Variants in TBC1D4 observed in about 807,000 individuals in gnomAD.
TBC1D4 encodes the protein TBC1 domain family member 4.
A neutral mutation model predicts 142.5 loss-of-function variants in TBC1D4; 121 were observed. The ratio of observed to expected loss-of-function variants is 0.85; its 90% CI spans 0.73 to 0.99. The LOEUF (loss-of-function observed/expected upper bound fraction) is 0.99, where lower values mean the gene tolerates loss of function less well. TBC1D4 is among the 50% of genes least tolerant of loss of function. The probability of loss-of-function intolerance (pLI) is 0.00; values close to 1 mark genes in which losing one functional copy is unlikely to be tolerated. For synonymous variants in TBC1D4, 630 were observed against 628.2 expected, an observed-to-expected ratio of 1.00 and a Z score of -0.04; for missense variants, 1,475 against 1,606.6, an observed-to-expected ratio of 0.92 and a Z score of 1.40.
chr13:75,324,948 G>A lies in TBC1D4; in HGVS notation c.2034-547C>T, dbSNP rs536747971. Among the ~76,000 whole-genome samples, 3 of 152,240 alleles carry A rather than the reference G, an allele frequency of 2.0e-5. No individual in the cohort carries two copies. The East Asian group carries it at 5.8e-4, about 29-fold the overall frequency. On this transcript the variant is annotated intron_variant, in intron 10 of 20. Transcript: ENST00000377636. Reference sequence around the variant, plus strand: ...TTGTGCCACTATGGTTTAATCGAAAGCCCAAAATCTAGAAGATTCTTTGCA... The same window carrying A: ...TTGTGCCACTATGGTTTAATCGAAAACCCAAAATCTAGAAGATTCTTTGCA...
Position 75,395,597 on chromosome 13 carries a change from G to A in TBC1D4, c.499-32990C>T, listed in dbSNP as rs541840739. The stretch of plus-strand genomic sequence containing the variant: ...TGTAATCCCAGCACGTTGGAAGGAC[G>A]AGGCAGGTGGATCACCTGAGGTCAG... On this transcript the variant is annotated intron_variant, in intron 1 of 20. Coordinates refer to ENST00000377636, the MANE Select transcript of TBC1D4 (RefSeq NM_014832.5). Among the ~76,000 whole-genome samples, 6 of 152,276 alleles carry A rather than the reference G, an allele frequency of 3.9e-5. No individual in the cohort carries two copies. In the East Asian group the frequency reaches 5.8e-4, roughly 15 times the overall value.
At chr13:75,427,092 A>AT (rs34413653) in intron 1 of TBC1D4, among the ~76,000 whole-genome samples, 14,157 of 142,606 alleles carry the variant, frequency 0.099, 985 homozygotes, top group African/African-American at 0.2. Flanking sequence ...AAATATAAAC[A>AT]TTTTTTTTTT....
At chr13:75,451,153 C>G (rs1419232311) in intron 1 of TBC1D4, among the ~76,000 whole-genome samples, 1 of 152,164 alleles carries the variant, frequency 6.6e-6, no homozygotes, top group Non-Finnish European at 1.5e-5. Context: ...TTCTCTGCCA[C>G]TAATTATGTG....
At chr13:75,401,818 T>G (rs1885108264) in intron 1 of TBC1D4, among the ~76,000 whole-genome samples, 1 of 152,214 alleles carries the variant, frequency 6.6e-6, no homozygotes, top group Non-Finnish European at 1.5e-5. Context: ...AGCTACACTG[T>G]AAACTCCATG....
chr13:75,320,071 C>G, intron 11 of TBC1D4, 34 bp from the exon 12 acceptor site: 1 of 1,611,704 alleles, frequency 6.2e-7, no homozygotes, highest in Non-Finnish European at 8.5e-7. Context: ...ATGGAATTAG[C>G]ACACACAAAT....
intron 1 of TBC1D4, among the ~76,000 whole-genome samples, chr13:75,403,789 G>C (rs999120464): frequency 6.6e-6 from 1 of 152,046 alleles, no homozygotes; most frequent in Non-Finnish European, 1.5e-5. Flanking sequence ...AACAGCTCAA[G>C]AAAACTCACA....
intron 1 of TBC1D4, among the ~76,000 whole-genome samples, chr13:75,474,643 A>T (rs1888559554): frequency 1.3e-5 from 1 of 79,678 alleles, no homozygotes; most frequent in Non-Finnish European, 2.8e-5. Flanking sequence ...GAAATAATTT[A>T]ACCTTTTTTT....
chr13:75,317,238 A>C lies in TBC1D4; in HGVS notation c.2222+2776T>G, dbSNP rs569662139. On this transcript the variant is annotated intron_variant, in intron 12 of 20. Coordinates refer to ENST00000377636, the MANE Select transcript of TBC1D4 (RefSeq NM_014832.5). Reference sequence around the variant, plus strand: ...TCTGAACAAAGCTCTATAGGACCACAAAAACAAAGCTGTTGGGACCCCCAG... The same window carrying C: ...TCTGAACAAAGCTCTATAGGACCACCAAAACAAAGCTGTTGGGACCCCCAG... Among the ~76,000 whole-genome samples the C allele has an allele frequency of 7.2e-5, 11 of 152,344 alleles. No homozygotes were observed. The South Asian group carries it at 2.3e-3, about 32-fold the overall frequency.
At chr13:75,402,618 C>T (rs148999231) in intron 1 of TBC1D4, among the ~76,000 whole-genome samples, 203 of 149,604 alleles carry the variant, frequency 1.4e-3, no homozygotes, top group Non-Finnish European at 2.1e-3. Flanking sequence ...ACTTTAAAAA[C>T]AATTTCATTT....
At chr13:75,287,506 C>T (rs1276640977) in intron 20 of TBC1D4, among the ~76,000 whole-genome samples, 1 of 152,166 alleles carries the variant, frequency 6.6e-6, no homozygotes, top group African/African-American at 2.4e-5. Flanking sequence ...AAAAAGTCTA[C>T]AACAGTTCAG....
chr13:75,351,674 G>T (rs1881615169), intron 4 of TBC1D4, among the ~76,000 whole-genome samples: 1 of 150,268 alleles, frequency 6.7e-6, no homozygotes, highest in Admixed American at 6.7e-5. Flanking sequence ...GCGGTGTTTG[G>T]TTTTTTTGTC....
At position 75,443,329 on chromosome 13, in the gene TBC1D4, G is replaced by C. The variant is rs115159082; in HGVS notation, c.498+37941C>G. ...AGCAGATATCTCATTTCATGTGTTT[G>C]AGTATTTTTGTTATAATCCCCTGAA... On this transcript the variant is annotated intron_variant, in intron 1 of 20. Transcript: ENST00000377636. Among the ~76,000 whole-genome samples the C allele has an allele frequency of 1.4e-3, 214 of 152,286 alleles. 1 individual carries two copies. The highest frequency in any genetic ancestry group is 5.0e-3 in the African/African-American group (208 of 41,558).
chr13:75,378,297 G>C (rs1397377026), intron 1 of TBC1D4, among the ~76,000 whole-genome samples: 1 of 151,982 alleles, frequency 6.6e-6, no homozygotes, highest in African/African-American at 2.4e-5. Flanking sequence ...GTTTTAAAAT[G>C]ATCAGCTTTT....
chr13:75,295,561 A>C (rs1018386130), intron 17 of TBC1D4, among the ~76,000 whole-genome samples: 2 of 152,356 alleles, frequency 1.3e-5, no homozygotes, highest in Admixed American at 1.3e-4. Flanking sequence ...CTAATATTCA[A>C]GTTATTCCAG....
At chr13:75,460,612 G>C (rs1389939611) in intron 1 of TBC1D4, among the ~76,000 whole-genome samples, 1 of 152,122 alleles carries the variant, frequency 6.6e-6, no homozygotes, top group Admixed American at 6.5e-5. Context: ...TGAGTAACTG[G>C]ACTGGTTATA....
chr13:75,335,835 G>A (rs370609123), intron 8 of TBC1D4, among the ~76,000 whole-genome samples: 15 of 152,162 alleles, frequency 9.9e-5, no homozygotes, highest in Non-Finnish European at 1.6e-4. Flanking sequence ...CTGCAGAACC[G>A]TGAGTCAATG....
At chr13:75,367,610 T>C (rs1040403224) in intron 1 of TBC1D4, among the ~76,000 whole-genome samples, 1 of 151,920 alleles carries the variant, frequency 6.6e-6, no homozygotes, top group African/African-American at 2.4e-5. Flanking sequence ...TTTAAACTAG[T>C]CTCACTCAAA....
chr13:75,380,369 A>C (rs939081227), intron 1 of TBC1D4, among the ~76,000 whole-genome samples: 32 of 152,002 alleles, frequency 2.1e-4, no homozygotes, highest in Admixed American at 1.6e-3. Flanking sequence ...GCTACTCGGG[A>C]GGCTAAGGCA....
Position 75,286,226 on chromosome 13 carries a change from C to T in TBC1D4, c.*566G>A, listed in dbSNP as rs1195819454. ...TACCTTCCCAAAAAACTCACAGGAGCATGACCAGTAATCATTTTCCTCATA... is the reference window on the plus strand; with the variant it reads ...TACCTTCCCAAAAAACTCACAGGAGTATGACCAGTAATCATTTTCCTCATA... On this transcript the variant is annotated 3_prime_UTR_variant, in exon 21 of 21. Coordinates refer to ENST00000377636, the MANE Select transcript of TBC1D4 (RefSeq NM_014832.5). 6.5e-6 allele frequency: 1 copy of T among 153,512 alleles called. No homozygotes were observed. The highest frequency in any genetic ancestry group is 2.4e-5 in the African/African-American group (1 of 41,458). 9.5% of individuals were successfully genotyped at this position (153,512 alleles called of 1,614,324 possible). A position where few individuals can be genotyped will look rare whatever the true frequency, so the allele number is the denominator to read the frequency against.
Sources: allele counts gnomAD v4.1 joint callset (sites outside exome capture counted in the v4.1 genomes callset), GRCh38; gene constraint gnomAD v4.1.1; transcripts MANE v1.5; gene names NCBI Gene and HGNC (gene_info 2026-07-23, HGNC 2026-07-21).